The following CLOCK variants were observed in gnomAD, a reference collection of about 807,000 sequenced individuals.
CLOCK encodes the protein clock circadian regulator.
In CLOCK, 43 loss-of-function variants were observed where a neutral mutation model predicts 118.4. That is an observed-to-expected ratio of 0.36 (90% CI 0.28 to 0.47). CLOCK has a LOEUF of 0.47. Ranked by LOEUF, CLOCK falls within the 20% of genes least tolerant of loss-of-function variation. The pLI is 1.00. For missense variants in CLOCK, 846 were observed against 999.9 expected, an observed-to-expected ratio of 0.85 and a Z score of 2.08; for synonymous variants, 326 against 339.2, an observed-to-expected ratio of 0.96 and a Z score of 0.43.
At chr4:55,530,095 T>C (rs752353184) in intron 1 of CLOCK, among the ~76,000 whole-genome samples, 15 of 133,712 alleles carry the variant, frequency 1.1e-4, no homozygotes, top group Non-Finnish European at 2.2e-4. Context: ...ACATTTTCCA[T>C]AACTGAAGGG....
intron 14 of CLOCK, 23 bp from the exon 15 acceptor site, chr4:55,453,152 A>C (rs1411575508): frequency 1.3e-6 from 2 of 1,583,120 alleles, no homozygotes; most frequent in Non-Finnish European, 1.7e-6. Flanking sequence ...AAAATAATCA[A>C]ATTTTAGTGT....
At chr4:55,469,967 CA>C (rs1436178707) in intron 8 of CLOCK, among the ~76,000 whole-genome samples, 3 of 151,966 alleles carry the variant, frequency 2.0e-5, no homozygotes, top group Non-Finnish European at 4.4e-5. Flanking sequence ...CTTGGCTTCC[CA>C]AAGTATTAAG....
At chr4:55,460,422 G>A (rs1268947765) in intron 9 of CLOCK, among the ~76,000 whole-genome samples, 3 of 152,210 alleles carry the variant, frequency 2.0e-5, no homozygotes, top group Non-Finnish European at 2.9e-5. Flanking sequence ...ATACTTGAAA[G>A]TGAATTTATC....
intron 3 of CLOCK, among the ~76,000 whole-genome samples, chr4:55,485,654 G>T (rs924590014): frequency 6.6e-6 from 1 of 152,080 alleles, no homozygotes; most frequent in Non-Finnish European, 1.5e-5. Context: ...TTCGACATTA[G>T]ACCACAAAGA....
chr4:55,465,316 T>C (rs1456306801), intron 8 of CLOCK, among the ~76,000 whole-genome samples: 1 of 152,236 alleles, frequency 6.6e-6, no homozygotes, highest in Non-Finnish European at 1.5e-5. Flanking sequence ...ATTTTATCTA[T>C]GCGGCTTGAT....
At chr4:55,528,624 TG>T in intron 1 of CLOCK, among the ~76,000 whole-genome samples, 1 of 152,054 alleles carries the variant, frequency 6.6e-6, no homozygotes, top group East Asian at 1.9e-4. Flanking sequence ...CAGACCCAAG[TG>T]TGTTAAGTTT....
intron 5 of CLOCK, 172 bp from the exon 6 acceptor site, chr4:55,479,135 A>G (rs1726741670): frequency 1.9e-6 from 1 of 515,818 alleles, no homozygotes; most frequent in Non-Finnish European, 3.3e-6. Flanking sequence ...TTTTCAGCTC[A>G]GTTTATTACT....
At chr4:55,534,728 C>A (rs1474113166) in intron 1 of CLOCK, among the ~76,000 whole-genome samples, 1 of 151,750 alleles carries the variant, frequency 6.6e-6, no homozygotes, top group African/African-American at 2.4e-5. Flanking sequence ...GCTGAATGAA[C>A]AAGATGAAGA....
chr4:55,536,115 G>A (rs1297411917), intron 1 of CLOCK, among the ~76,000 whole-genome samples: 1 of 152,094 alleles, frequency 6.6e-6, no homozygotes. Flanking sequence ...TTAAAACCGT[G>A]CAGGGTAAAA....
intron 3 of CLOCK, among the ~76,000 whole-genome samples, chr4:55,484,450 G>T (rs1727151991): frequency 6.6e-6 from 1 of 152,172 alleles, no homozygotes; most frequent in East Asian, 1.9e-4. Flanking sequence ...GTGATTTTAA[G>T]TGTCTGAGGT....
intron 21 of CLOCK, among the ~76,000 whole-genome samples, chr4:55,439,085 C>T (rs377127483): frequency 1.3e-5 from 2 of 152,176 alleles, no homozygotes; most frequent in Admixed American, 6.6e-5. Flanking sequence ...TCCCATCCCA[C>T]AGATGGGAGA....
intron 3 of CLOCK, chr4:55,486,384 T>A (rs1727297275): frequency 6.6e-6 from 1 of 152,210 alleles, no homozygotes; most frequent in Non-Finnish European, 1.5e-5. Flanking sequence ...CTGGAAACTA[T>A]CTACTAACCT....
At chr4:55,465,916 C>G (rs1725705684) in intron 8 of CLOCK, among the ~76,000 whole-genome samples, 1 of 152,008 alleles carries the variant, frequency 6.6e-6, no homozygotes, top group Non-Finnish European at 1.5e-5. Context: ...CCTACCACTA[C>G]ACTCAAGCCT....
chr4:55,464,716 G>A (rs1194948255), intron 8 of CLOCK, among the ~76,000 whole-genome samples: 1 of 152,156 alleles, frequency 6.6e-6, no homozygotes, highest in Non-Finnish European at 1.5e-5. Context: ...TTTGTTTGAA[G>A]AGCTCCACTG....
chr4:55,516,374 C>T (rs114621641), intron 1 of CLOCK, among the ~76,000 whole-genome samples: 3,481 of 152,286 alleles, frequency 0.023, 64 homozygotes, highest in Non-Finnish European at 0.036. Flanking sequence ...CTTACATGCT[C>T]CACTGTTAGC....
intron 1 of CLOCK, among the ~76,000 whole-genome samples, chr4:55,544,644 A>T (rs545953204): frequency 1.2e-3 from 181 of 152,344 alleles, no homozygotes; most frequent in African/African-American, 4.3e-3. Flanking sequence ...AAATCACCAT[A>T]AATTAGGCAA....
intron 1 of CLOCK, among the ~76,000 whole-genome samples, chr4:55,523,009 G>A (rs555931584): frequency 2.0e-5 from 3 of 152,062 alleles, no homozygotes; most frequent in Non-Finnish European, 4.4e-5. Flanking sequence ...TAAGACAAAC[G>A]AACAGGCTGG....
At position 55,478,748 on chromosome 4, in the gene CLOCK, G is replaced by C. The variant is rs985473763; in HGVS notation, c.256+67C>G. 9.4e-6 allele frequency: 14 copies of C among 1,481,514 alleles called. No individual in the cohort carries two copies. The Admixed American group carries it at 2.4e-4, about 25-fold the overall frequency. The allele number at this position is 1,481,514 out of a possible 1,614,324, so 91.8% of individuals were successfully genotyped here. A position where few individuals can be genotyped will look rare whatever the true frequency, so the allele number is the denominator to read the frequency against. On this transcript the variant is annotated intron_variant, in intron 6 of 22. Coordinates refer to ENST00000513440, the MANE Select transcript of CLOCK (RefSeq NM_004898.4). The stretch of plus-strand genomic sequence containing the variant: ...AAGCCAAGGAAGCATCCAATCTTAA[G>C]CATCTCTGCCAAGATTCTAACTAAT...
chr4:55,527,244 G>A (rs1025926749), intron 1 of CLOCK, among the ~76,000 whole-genome samples: 1 of 152,114 alleles, frequency 6.6e-6, no homozygotes, highest in African/African-American at 2.4e-5. Context: ...AGTATTAGAA[G>A]AGGGTAAGGA....
Sources: allele counts gnomAD v4.1 joint callset (sites outside exome capture counted in the v4.1 genomes callset), GRCh38; gene constraint gnomAD v4.1.1; transcripts MANE v1.5; gene names NCBI Gene and HGNC (gene_info 2026-07-23, HGNC 2026-07-21).